The following PRIM2 variants were observed in gnomAD, a reference collection of about 807,000 sequenced individuals.
PRIM2 encodes DNA primase large subunit.
Under a neutral mutation model 67.3 loss-of-function variants are expected in PRIM2, and 39 were observed. That is an observed-to-expected ratio of 0.58 (90% confidence interval 0.45 to 0.76). PRIM2 has a LOEUF of 0.76. PRIM2 is among the 30% of genes least tolerant of loss of function. The pLI is 0.00. For missense variants in PRIM2, 398 were observed against 598.7 expected (o/e 0.66, Z 3.50); for synonymous variants, 143 against 198.7 (o/e 0.72, Z 2.36).
chr6:57,246,799 G>T, the PRIM2 span, among the ~76,000 whole-genome samples: 1 of 151,794 alleles, frequency 6.6e-6, no homozygotes, highest in Non-Finnish European at 1.5e-5. Flanking sequence ...TTCTGCATCT[G>T]CCCATAGAGT....
the PRIM2 span, among the ~76,000 whole-genome samples, chr6:57,222,522 G>A: frequency 6.6e-6 from 1 of 152,238 alleles, no homozygotes; most frequent in African/African-American, 2.4e-5. Context: ...CGCCTACAGA[G>A]TTATCACACT....
intron 10 of PRIM2, among the ~76,000 whole-genome samples, chr6:57,552,908 T>A: frequency 1.3e-5 from 2 of 152,278 alleles, no homozygotes; most frequent in South Asian, 4.1e-4. Flanking sequence ...AAAACAACAC[T>A]GTGATGAACA....
intron 4 of PRIM2, among the ~76,000 whole-genome samples, chr6:57,325,392 G>A (rs1161996591): frequency 4.1e-5 from 6 of 145,036 alleles, no homozygotes; most frequent in African/African-American, 1.5e-4. Flanking sequence ...CTCAACATCC[G>A]TGGGCTCAGG....
rs1776684110 is a variant in PRIM2, at chr6:57,612,456, A to G, written c.1230+5999A>G. Among the ~76,000 whole-genome samples the G allele has an allele frequency of 3.9e-5, 6 of 152,336 alleles. No homozygotes were observed. In the South Asian group the frequency reaches 1.0e-3, roughly 26 times the overall value. The stretch of plus-strand genomic sequence containing the variant: ...TACCCATTAACATGTAAGGTTCTCA[A>G]ATACATTATACCAAGTGAAAGAAGT... On this transcript the variant is annotated intron_variant, in intron 12 of 13. Coordinates refer to ENST00000615550, the MANE Select transcript of PRIM2 (RefSeq NM_000947.5).
chr6:57,575,116 A>T (rs1283548944), intron 10 of PRIM2, among the ~76,000 whole-genome samples: 1 of 152,122 alleles, frequency 6.6e-6, no homozygotes, highest in Non-Finnish European at 1.5e-5. Flanking sequence ...CCTCAAACAT[A>T]ACATGGCCCA....
At chr6:57,305,678 T>C in the PRIM2 span, among the ~76,000 whole-genome samples, 2 of 152,238 alleles carry the variant, frequency 1.3e-5, no homozygotes, top group Non-Finnish European at 2.9e-5. Flanking sequence ...GGCTCCTTTG[T>C]TCAAATCAAT....
intron 5 of PRIM2, among the ~76,000 whole-genome samples, chr6:57,349,763 C>T (rs1768802392): frequency 6.6e-6 from 1 of 151,974 alleles, no homozygotes; most frequent in Non-Finnish European, 1.5e-5. Flanking sequence ...TACAGTTCTA[C>T]TTTTCTTTTT....
intron 10 of PRIM2, among the ~76,000 whole-genome samples, chr6:57,590,531 C>T (rs1217808566): frequency 9.2e-5 from 14 of 152,186 alleles, no homozygotes; most frequent in Middle Eastern, 3.4e-3. Flanking sequence ...ATAAACGTCA[C>T]GGGTAAGGGG....
At chr6:57,611,805 A>G (rs1426990008) in intron 12 of PRIM2, among the ~76,000 whole-genome samples, 1 of 152,146 alleles carries the variant, frequency 6.6e-6, no homozygotes, top group Non-Finnish European at 1.5e-5. Context: ...CTTTAAGAGA[A>G]CAAGATAAGC....
At chr6:57,626,468 A>G (rs1178063125) in intron 12 of PRIM2, among the ~76,000 whole-genome samples, 1 of 152,128 alleles carries the variant, frequency 6.6e-6, no homozygotes, top group Non-Finnish European at 1.5e-5. Context: ...TTGCTCCTCA[A>G]CTGCAAAGAT....
chr6:57,318,299 G>A (rs1325468603), intron 1 of PRIM2, 138 bp from the exon 2 acceptor site: 4 of 745,906 alleles, frequency 5.4e-6, no homozygotes, highest in Non-Finnish European at 8.6e-6. Context: ...CCCAGGAATT[G>A]CCACTGCTAA....
chr6:57,410,859 A>G (rs1274930257), intron 7 of PRIM2, among the ~76,000 whole-genome samples: 2 of 150,614 alleles, frequency 1.3e-5, no homozygotes, highest in African/African-American at 2.4e-5. Context: ...GTGTGATATT[A>G]CCTATTGGTT....
chr6:57,614,047 G>A (rs1328902306), intron 12 of PRIM2, among the ~76,000 whole-genome samples: 5 of 152,058 alleles, frequency 3.3e-5, no homozygotes, highest in Admixed American at 6.6e-5. Context: ...CAACCCCTGG[G>A]CCACGGACTG....
At chr6:57,617,472 T>TC (rs1776775735) in intron 12 of PRIM2, among the ~76,000 whole-genome samples, 1 of 152,198 alleles carries the variant, frequency 6.6e-6, no homozygotes, top group African/African-American at 2.4e-5. Context: ...CAGTGATATC[T>TC]CATTGTGGTT....
chr6:57,373,038 A>G (rs1362923937), intron 5 of PRIM2, among the ~76,000 whole-genome samples: 2 of 152,220 alleles, frequency 1.3e-5, no homozygotes, highest in Non-Finnish European at 2.9e-5. Flanking sequence ...GAATCCCCAC[A>G]CTGTCTTCCA....
intron 7 of PRIM2, among the ~76,000 whole-genome samples, chr6:57,431,274 C>T (rs1313337473): frequency 4.6e-5 from 7 of 150,740 alleles, no homozygotes; most frequent in African/African-American, 1.2e-4. Context: ...CTCTGGTGGT[C>T]GCATAACCTA....
intron 7 of PRIM2, among the ~76,000 whole-genome samples, chr6:57,440,139 G>A (rs1193964636): frequency 6.6e-6 from 1 of 150,738 alleles, no homozygotes; most frequent in Non-Finnish European, 1.5e-5. Flanking sequence ...CAAATAAGCT[G>A]TTCATTACCT....
chr6:57,305,360 C>T, the PRIM2 span, among the ~76,000 whole-genome samples: 1 of 152,190 alleles, frequency 6.6e-6, no homozygotes, highest in Non-Finnish European at 1.5e-5. Context: ...TTCAGTTCAG[C>T]CGACAGCTTT....
At chr6:57,327,431 T>C (rs190810394) in intron 5 of PRIM2, among the ~76,000 whole-genome samples, 6 of 152,304 alleles carry the variant, frequency 3.9e-5, no homozygotes, top group Admixed American at 3.3e-4. Flanking sequence ...AGGAACACTA[T>C]GGAGTATATG....
Sources: gnomAD v4.1 joint callset for allele counts (sites outside exome capture counted in the v4.1 genomes callset) on GRCh38, gnomAD v4.1.1 for gene constraint, MANE v1.5 for transcripts, NCBI Gene and HGNC (gene_info 2026-07-23, HGNC 2026-07-21) for gene names.